EYS: variants seen among roughly 807,000 people sequenced by gnomAD.
The protein encoded by EYS is protein eyes shut homolog.
In EYS, 250 loss-of-function variants were observed where a neutral mutation model predicts 282.1. That is an observed-to-expected ratio of 0.89 (90% CI 0.80 to 0.98). The LOEUF is 0.98. EYS is among the 50% of genes least tolerant of loss of function. EYS has a pLI of 0.00. For synonymous variants in EYS, 1,355 were observed against 1,282.9 expected (o/e 1.06, Z -1.20); for missense variants, 4,016 against 3,709.0 (o/e 1.08, Z -2.15).
chr6:65,139,229 C>T (rs1764253745), intron 12 of EYS, among the ~76,000 whole-genome samples: 1 of 152,094 alleles, frequency 6.6e-6, no homozygotes, highest in Non-Finnish European at 1.5e-5. Context: ...GGTACACATA[C>T]ACCATGGAAT....
At chr6:65,569,872 C>T (rs779132542) in intron 2 of EYS, among the ~76,000 whole-genome samples, 1 of 152,162 alleles carries the variant, frequency 6.6e-6, no homozygotes, top group East Asian at 1.9e-4. Context: ...TCCTTTCAGA[C>T]TGCTCTGTGT....
At chr6:64,318,971 T>C (rs1318177931) in intron 29 of EYS, among the ~76,000 whole-genome samples, 1 of 151,966 alleles carries the variant, frequency 6.6e-6, no homozygotes, top group Non-Finnish European at 1.5e-5. Flanking sequence ...TGCTGACTTA[T>C]AGTCACCCTG....
chr6:65,435,016 A>G (rs1334727156), intron 5 of EYS, among the ~76,000 whole-genome samples: 3 of 151,902 alleles, frequency 2.0e-5, no homozygotes, highest in African/African-American at 7.2e-5. Context: ...GGGTTAGTAT[A>G]TTAAATAATT....
chr6:65,531,853 G>C (rs558633292), intron 2 of EYS, among the ~76,000 whole-genome samples: 42 of 152,014 alleles, frequency 2.8e-4, no homozygotes, highest in Non-Finnish European at 5.6e-4. Context: ...TTGTTTCATC[G>C]GTAATATATA....
chr6:65,573,608 G>A (rs1209312098), intron 2 of EYS, among the ~76,000 whole-genome samples: 2 of 152,170 alleles, frequency 1.3e-5, no homozygotes, highest in African/African-American at 4.8e-5. Context: ...CAGCCTCCCT[G>A]TAAGTGCCCA....
At chr6:63,851,430 C>A (rs1215507041) in intron 36 of EYS, among the ~76,000 whole-genome samples, 1 of 152,084 alleles carries the variant, frequency 6.6e-6, no homozygotes, top group Admixed American at 6.5e-5. Context: ...AAGTAAAGCA[C>A]CCCTCAGCAA....
intron 5 of EYS, among the ~76,000 whole-genome samples, chr6:65,429,232 G>T (rs756171598): frequency 6.6e-6 from 1 of 151,862 alleles, no homozygotes. Context: ...AACTGGAAGA[G>T]AAATTACCAG....
chr6:64,056,800 A>G (rs1443854738), intron 33 of EYS, among the ~76,000 whole-genome samples: 1 of 152,186 alleles, frequency 6.6e-6, no homozygotes. Flanking sequence ...CCCTATGTAG[A>G]TCAGCAGATG....
intron 31 of EYS, among the ~76,000 whole-genome samples, chr6:64,143,181 T>C (rs1242948613): frequency 1.3e-5 from 2 of 151,978 alleles, no homozygotes; most frequent in Non-Finnish European, 1.5e-5. Flanking sequence ...GAGGGATGAA[T>C]AGACCTTGCA....
At chr6:64,932,588 C>CTATAAACAGGCCTAAGAAAGA (rs1243239911) in intron 15 of EYS, among the ~76,000 whole-genome samples, 11 of 151,882 alleles carry the variant, frequency 7.2e-5, no homozygotes, top group African/African-American at 2.7e-4. Flanking sequence ...GCATGCAAGT[C>CTATAAACAGGCCTAAGAAAGA]TATAAACAGG....
intron 29 of EYS, among the ~76,000 whole-genome samples, chr6:64,340,319 T>A (rs1018412149): frequency 6.6e-6 from 1 of 151,854 alleles, no homozygotes; most frequent in African/African-American, 2.4e-5. Flanking sequence ...GACTTCAAAC[T>A]GTATTGTGAG....
chr6:65,066,767 A>ATC (rs1773757994), intron 12 of EYS, among the ~76,000 whole-genome samples: 1 of 152,146 alleles, frequency 6.6e-6, no homozygotes, highest in Non-Finnish European at 1.5e-5. Flanking sequence ...TCATGCACTA[A>ATC]TCTCACTGCA....
intron 26 of EYS, among the ~76,000 whole-genome samples, chr6:64,510,629 T>C: frequency 6.6e-6 from 1 of 152,306 alleles, no homozygotes; most frequent in East Asian, 1.9e-4. Flanking sequence ...AATGAATTGC[T>C]GTAAATTGTT....
intron 11 of EYS, chr6:65,330,525 G>C (rs1429251968): frequency 1.0e-6 from 1 of 984,020 alleles, no homozygotes; most frequent in Non-Finnish European, 1.2e-6. Context: ...ATTTTTTGAA[G>C]ATTTCAGGGC....
intron 24 of EYS, among the ~76,000 whole-genome samples, chr6:64,607,715 A>G (rs1766980459): frequency 6.6e-6 from 1 of 152,120 alleles, no homozygotes; most frequent in Non-Finnish European, 1.5e-5. Context: ...TTCTGTGCTC[A>G]CCAAAAGAAA....
intron 33 of EYS, among the ~76,000 whole-genome samples, chr6:64,003,228 C>T (rs1252027255): frequency 1.3e-5 from 2 of 152,090 alleles, no homozygotes; most frequent in Non-Finnish European, 1.5e-5. Context: ...AACTTTCTCA[C>T]TTGTTTGTGG....
At chr6:64,131,910 A>G (rs1266854105) in intron 31 of EYS, among the ~76,000 whole-genome samples, 1 of 152,196 alleles carries the variant, frequency 6.6e-6, no homozygotes, top group Non-Finnish European at 1.5e-5. Context: ...TAACATGAAT[A>G]TGACTAAACT....
At chr6:64,725,081 CA>C (rs1313931861) in intron 22 of EYS, among the ~76,000 whole-genome samples, 1 of 152,060 alleles carries the variant, frequency 6.6e-6, no homozygotes, top group Non-Finnish European at 1.5e-5. Context: ...AGAGATAACA[CA>C]GAATGCTTCT....
chr6:65,245,023 A>G (rs1767146133), intron 12 of EYS, among the ~76,000 whole-genome samples: 1 of 152,208 alleles, frequency 6.6e-6, no homozygotes, highest in Non-Finnish European at 1.5e-5. Context: ...AAAATGGTGA[A>G]AATTGTACTG....
Sources: allele counts gnomAD v4.1 joint callset (sites outside exome capture counted in the v4.1 genomes callset), GRCh38; gene constraint gnomAD v4.1.1; transcripts MANE v1.5; gene names NCBI Gene and HGNC (gene_info 2026-07-23, HGNC 2026-07-21).